The following ACAT1 variants were observed in gnomAD, a reference collection of about 807,000 sequenced individuals.
ACAT1 encodes acetyl-CoA acetyltransferase, mitochondrial.
ACAT1 carries 28 observed loss-of-function variants against 47.3 expected under a neutral mutation model. The ratio of observed to expected loss-of-function variants is 0.59; its 90% CI spans 0.44 to 0.81. The LOEUF is 0.81. Among genes scored for constraint, ACAT1 ranks in the 30% least tolerant of loss-of-function variants. ACAT1 has a pLI of 0.00. For missense variants in ACAT1, 469 were observed against 524.3 expected, an observed-to-expected ratio of 0.89 and a Z score of 1.03; for synonymous variants, 181 against 173.6, an observed-to-expected ratio of 1.04 and a Z score of -0.34.
chr11:108,146,250 G>A lies in ACAT1; in HGVS notation c.1054G>A (p.Val352Ile). The A allele has an allele frequency of 6.2e-7, 1 of 1,613,712 alleles. No individual in the cohort carries two copies. The highest frequency in any genetic ancestry group is 8.5e-7 in the Non-Finnish European group (1 of 1,179,686). Reference protein sequence around the residue: ...LKKEDIAMWEVNEAFSLVVLA... With the variant: ...LKKEDIAMWEINEAFSLVVLA... ...AAAAGAAGATATTGCAATGTGGGAA[G>A]TAAATGAAGCCTTTAGTCTGGTTGT... Residue 352 changes from valine to isoleucine, a missense_variant, in exon 11 of 12, where the codon GTA becomes ATA. Coordinates refer to ENST00000265838, the MANE Select transcript of ACAT1 (RefSeq NM_000019.4).
At position 108,143,877 on chromosome 11, in the gene ACAT1, A is replaced by C. The variant is rs1182416507; in HGVS notation, c.941-106A>C. On this transcript the variant is annotated intron_variant, in intron 9 of 11. Coordinates refer to ENST00000265838, the MANE Select transcript of ACAT1 (RefSeq NM_000019.4). ...GAAGACATATATTTACATATATTAA[A>C]GGGGCTAGGAAATGTGCATTTAATG... The C allele has an allele frequency of 4.9e-6, 6 of 1,234,116 alleles. No individual in the cohort carries two copies. In the East Asian group the frequency reaches 1.6e-4, roughly 33 times the overall value. 76.4% of individuals were successfully genotyped at this position (1,234,116 alleles called of 1,614,324 possible). A position where few individuals can be genotyped will look rare whatever the true frequency, so the allele number is the denominator to read the frequency against.
At chr11:108,131,621 G>C (rs2077361522) in intron 1 of ACAT1, among the ~76,000 whole-genome samples, 1 of 151,782 alleles carries the variant, frequency 6.6e-6, no homozygotes, top group Non-Finnish European at 1.5e-5. Flanking sequence ...CAAAATGCTA[G>C]GATTACAGGC....
At chr11:108,141,395 A>AAAAAAAAAAATT (rs2077582642) in intron 7 of ACAT1, among the ~76,000 whole-genome samples, 1 of 148,922 alleles carries the variant, frequency 6.7e-6, no homozygotes, top group Non-Finnish European at 1.5e-5. Flanking sequence ...AAAAAAAAAA[A>AAAAAAAAAAATT]TTGTGAAGCT....
At chr11:108,135,944 G>T (rs2077460209) in intron 5 of ACAT1, 2 of 432,656 alleles carry the variant, frequency 4.6e-6, no homozygotes, top group Non-Finnish European at 4.1e-6. Context: ...AGGAGAACAC[G>T]GTGCTTAACC....
intron 1 of ACAT1, among the ~76,000 whole-genome samples, chr11:108,126,352 G>A (rs1364577090): frequency 6.6e-6 from 1 of 152,198 alleles, no homozygotes; most frequent in Non-Finnish European, 1.5e-5. Flanking sequence ...TTGAGGTATC[G>A]GGATAGGGTT....
At chr11:108,131,365 T>TTTTTTTTTTTTTTTTTTTTTA (rs1565286848) in intron 1 of ACAT1, among the ~76,000 whole-genome samples, 3 of 136,520 alleles carry the variant, frequency 2.2e-5, no homozygotes, top group Non-Finnish European at 4.7e-5. Flanking sequence ...TTTTTTTTTT[T>TTTTTTTTTTTTTTTTTTTTTA]TTTTTTTAGA....
intron 6 of ACAT1, 187 bp downstream of exon 6, chr11:108,139,228 C>A: frequency 1.4e-6 from 1 of 719,412 alleles, no homozygotes; most frequent in Non-Finnish European, 2.3e-6. Flanking sequence ...AAGAAATTTT[C>A]CCACATTTAA....
At chr11:108,130,166 CT>C (rs927320812) in intron 1 of ACAT1, among the ~76,000 whole-genome samples, 3 of 152,170 alleles carry the variant, frequency 2.0e-5, no homozygotes, top group African/African-American at 7.2e-5. Flanking sequence ...CCCCTTTTGA[CT>C]TTTCAGTCCC....
chr11:108,147,257 T>G lies in ACAT1; in HGVS notation c.1164-13T>G. ...GTACTTCATTAAAGAAGTAAATGCT[T>G]TCTTAATTTTAGGATGTCTGGAGCC... On this transcript the variant is annotated splice_polypyrimidine_tract_variant and intron_variant, in intron 11 of 11. Coordinates refer to ENST00000265838, the MANE Select transcript of ACAT1 (RefSeq NM_000019.4). The G allele has an allele frequency of 2.5e-6, 4 of 1,613,512 alleles. No homozygotes were observed. The highest frequency in any genetic ancestry group is 3.4e-6 in the Non-Finnish European group (4 of 1,179,646).
At chr11:108,140,253 C>T in intron 7 of ACAT1, 38 bp downstream of exon 7, 2 of 1,607,742 alleles carry the variant, frequency 1.2e-6, no homozygotes, top group Non-Finnish European at 1.7e-6. Context: ...ATAGACTTTT[C>T]ATGTTGCTGA....
At chr11:108,121,953 G>A (rs2077158317) in intron 1 of ACAT1, 4 of 534,526 alleles carry the variant, frequency 7.5e-6, no homozygotes, top group South Asian at 6.3e-5. Context: ...CACGTGTCTG[G>A]GCGGGCAGGA....
At chr11:108,137,290 T>TG (rs2077486471) in intron 5 of ACAT1, among the ~76,000 whole-genome samples, 1 of 152,144 alleles carries the variant, frequency 6.6e-6, no homozygotes, top group Non-Finnish European at 1.5e-5. Context: ...GAAATGTGCA[T>TG]GGTGTCTCTG....
intron 6 of ACAT1, 39 bp downstream of exon 6, chr11:108,139,080 C>T: frequency 6.2e-7 from 1 of 1,610,052 alleles, no homozygotes; most frequent in Non-Finnish European, 8.5e-7. Context: ...TATCTAATGT[C>T]CAATACTGTT....
upstream of ACAT1, among the ~76,000 whole-genome samples, chr11:108,117,681 G>A (rs1331645090): frequency 6.6e-6 from 1 of 152,116 alleles, no homozygotes; most frequent in Non-Finnish European, 1.5e-5. Flanking sequence ...AGTTATTCCA[G>A]TAGTCTAAGT....
At chr11:108,146,952 C>T (rs187050109) in intron 11 of ACAT1, among the ~76,000 whole-genome samples, 9 of 152,222 alleles carry the variant, frequency 5.9e-5, no homozygotes, top group Non-Finnish European at 8.8e-5. Context: ...TGGTGGTGCA[C>T]GCCTGTAGTC....
At chr11:108,135,339 C>A in intron 5 of ACAT1, 97 bp downstream of exon 5, 1 of 895,166 alleles carries the variant, frequency 1.1e-6, no homozygotes. Context: ...AAATGAGATT[C>A]TTTCTCATAA....
At chr11:108,146,024 G>GAGAC (rs759752929) in intron 10 of ACAT1, 178 bp from the exon 11 acceptor site, 4 of 548,662 alleles carry the variant, frequency 7.3e-6, no homozygotes, top group Non-Finnish European at 1.3e-5. Flanking sequence ...TCCAGCCTGG[G>GAGAC]AGACAGAGCA....
intron 1 of ACAT1, among the ~76,000 whole-genome samples, chr11:108,126,157 C>G (rs767686611): frequency 1.3e-5 from 2 of 152,058 alleles, no homozygotes; most frequent in Non-Finnish European, 2.9e-5. Context: ...TGCCCACCCC[C>G]ACACCTGGCT....
intron 4 of ACAT1, 55 bp downstream of exon 4, chr11:108,134,371 G>A (rs2077421360): frequency 7.0e-7 from 1 of 1,429,752 alleles, no homozygotes; most frequent in East Asian, 2.4e-5. Flanking sequence ...GGGGCCGGGT[G>A]CGGTGGCTCA....
Sources: gnomAD v4.1 joint callset for allele counts (sites outside exome capture counted in the v4.1 genomes callset) on GRCh38, gnomAD v4.1.1 for gene constraint, MANE v1.5 for transcripts, NCBI Gene and HGNC (gene_info 2026-07-23, HGNC 2026-07-21) for gene names.